GLP1R: variants seen among roughly 807,000 people sequenced by gnomAD.
GLP1R encodes glucagon-like peptide 1 receptor.
In GLP1R, 32 loss-of-function variants were observed where a neutral mutation model predicts 68.4. The observed-to-expected ratio is 0.47, with a 90% confidence interval of 0.35 to 0.63. The LOEUF (loss-of-function observed/expected upper bound fraction) is 0.63, where lower values mean the gene tolerates loss of function less well. GLP1R is among the 20% of genes least tolerant of loss of function. The pLI is 0.00. For synonymous variants in GLP1R, 263 were observed against 244.4 expected, an observed-to-expected ratio of 1.08 and a Z score of -0.71; for missense variants, 502 against 594.9, an observed-to-expected ratio of 0.84 and a Z score of 1.62.
intron 12 of GLP1R, among the ~76,000 whole-genome samples, chr6:39,085,497 C>T (rs1036790791): frequency 2.0e-5 from 3 of 152,204 alleles, no homozygotes; most frequent in African/African-American, 7.2e-5. Context: ...GGGTTGCCGT[C>T]CCCCTTCTCA....
chr6:39,065,642 GGA>G, intron 3 of GLP1R, 67 bp from the exon 4 acceptor site: 1 of 897,212 alleles, frequency 1.1e-6, no homozygotes, highest in Non-Finnish European at 1.8e-6. Flanking sequence ...GGGAGGAAGG[GGA>G]GCATCTAGCA....
At position 39,072,799 on chromosome 6, in the gene GLP1R, C is replaced by A. The variant is rs1376591236; in HGVS notation, c.510-63C>A. ...CTAATGTGTGTGTTAGCTTGAGAGCCTGGGGTTGTAGAGCAGAACTGTTGG... is the reference window on the plus strand; with the variant it reads ...CTAATGTGTGTGTTAGCTTGAGAGCATGGGGTTGTAGAGCAGAACTGTTGG... On this transcript the variant is annotated intron_variant, in intron 5 of 12. Transcript: ENST00000373256. 2.7e-6 allele frequency: 4 copies of A among 1,458,818 alleles called. No homozygotes were observed. In the East Asian group the frequency reaches 9.1e-5, roughly 33 times the overall value. The allele number at this position is 1,458,818 out of a possible 1,614,324, so 90.4% of individuals were successfully genotyped here.
rs376396749 is a variant in GLP1R, at chr6:39,061,726, C to T, written c.284-3985C>T. 3.3e-5 allele frequency among the ~76,000 whole-genome samples: 5 copies of T among 152,246 alleles called. No individual in the cohort carries two copies. The South Asian group carries it at 6.2e-4, about 19-fold the overall frequency. On this transcript the variant is annotated intron_variant, in intron 3 of 12. Coordinates refer to ENST00000373256, the MANE Select transcript of GLP1R (RefSeq NM_002062.5). ...TCACATGCTTTATCTTCTGGGAAGT[C>T]ATTATGCTTCCCATTTTACAGATAA...
chr6:39,067,787 A>G (rs1168332437), intron 5 of GLP1R, among the ~76,000 whole-genome samples: 1 of 152,228 alleles, frequency 6.6e-6, no homozygotes, highest in African/African-American at 2.4e-5. Context: ...TCATCTAAAT[A>G]TTATTTAAAT....
At chr6:39,071,874 GTCTT>G (rs1768677564) in intron 5 of GLP1R, among the ~76,000 whole-genome samples, 1 of 152,110 alleles carries the variant, frequency 6.6e-6, no homozygotes, top group South Asian at 2.1e-4. Flanking sequence ...AAGGTAGCGA[GTCTT>G]TCTATCTGTG....
chr6:39,076,032 C>T (rs1370625300), intron 7 of GLP1R, among the ~76,000 whole-genome samples: 3 of 152,154 alleles, frequency 2.0e-5, no homozygotes, highest in Admixed American at 6.5e-5. Context: ...GCAGGGCTTT[C>T]GTGACTGTGT....
rs1768943972 is a variant in GLP1R, at chr6:39,079,791, G to A, written c.1182+89G>A. On this transcript the variant is annotated intron_variant, in intron 11 of 12. Transcript: ENST00000373256. This position sits in a 1 kb window ranked among gnomAD's most constrained non-coding sequence, Gnocchi z 4.5. ...CCTGCATCATGCAGATGGAAAAGGT[G>A]GGAAGACTGGGACCTGGAGGGGTGA... 1 of 1,203,230 alleles carries A rather than the reference G, an allele frequency of 8.3e-7. No individual in the cohort carries two copies. The highest frequency in any genetic ancestry group is 1.2e-6 in the Non-Finnish European group (1 of 833,678). 74.5% of individuals were successfully genotyped at this position (1,203,230 alleles called of 1,614,324 possible).
chr6:39,078,865 G>T (rs1254731148), intron 8 of GLP1R, 92 bp from the exon 9 acceptor site: 30 of 1,055,092 alleles, frequency 2.8e-5, no homozygotes, highest in Non-Finnish European at 4.3e-5. Flanking sequence ...ACTCAACATG[G>T]CCATGTGCAT....
intron 5 of GLP1R, among the ~76,000 whole-genome samples, chr6:39,068,302 A>C (rs1247099309): frequency 2.0e-5 from 3 of 151,962 alleles, no homozygotes; most frequent in Non-Finnish European, 4.4e-5. Context: ...CCGAAGCCCC[A>C]CTCGCACAGC....
chr6:39,055,238 G>A (rs1475098405), intron 1 of GLP1R, among the ~76,000 whole-genome samples: 1 of 152,196 alleles, frequency 6.6e-6, no homozygotes, highest in African/African-American at 2.4e-5. Context: ...CTAAAAAGAA[G>A]CTATTTTAAT....
At chr6:39,063,798 T>G (rs1417593718) in intron 3 of GLP1R, among the ~76,000 whole-genome samples, 1 of 151,886 alleles carries the variant, frequency 6.6e-6, no homozygotes, top group Admixed American at 6.6e-5. Flanking sequence ...CCTGCCACAT[T>G]TTTTGCTAGG....
At chr6:39,052,685 C>G (rs1269855755) in intron 1 of GLP1R, among the ~76,000 whole-genome samples, 1 of 152,204 alleles carries the variant, frequency 6.6e-6, no homozygotes, top group Non-Finnish European at 1.5e-5. Flanking sequence ...TGCTGTCCTT[C>G]CTTCCAACGC....
chr6:39,055,731 G>A (rs937344349), intron 1 of GLP1R, among the ~76,000 whole-genome samples: 3 of 152,152 alleles, frequency 2.0e-5, no homozygotes, highest in African/African-American at 4.8e-5. Context: ...AGGGGGTGGG[G>A]GGTGCTGTGT....
At chr6:39,071,345 C>CAAAA (rs35740935) in intron 5 of GLP1R, among the ~76,000 whole-genome samples, 99 of 85,790 alleles carry the variant, frequency 1.2e-3, no homozygotes, top group Non-Finnish European at 1.5e-3. Flanking sequence ...GATTCCATCT[C>CAAAA]AAAAAAAAAA....
intron 12 of GLP1R, among the ~76,000 whole-genome samples, chr6:39,082,889 A>G (rs995601294): frequency 6.6e-6 from 1 of 151,222 alleles, no homozygotes; most frequent in African/African-American, 2.4e-5. Context: ...ATCCTCTGAC[A>G]CTGTCACTGC....
chr6:39,085,834 G>A, intron 12 of GLP1R, 72 bp from the exon 13 acceptor site: 1 of 1,393,298 alleles, frequency 7.2e-7, no homozygotes, highest in South Asian at 1.2e-5. Flanking sequence ...CCCCACTAAT[G>A]TAATAGTGGG....
Position 39,079,724 on chromosome 6 carries a change from C to A in GLP1R, c.1182+22C>A. ...CCAGGTGACTTCATGCTTGGGGACACTTGCTTGTAAAGTCCTAGAGTGGGG... is the reference window on the plus strand; with the variant it reads ...CCAGGTGACTTCATGCTTGGGGACAATTGCTTGTAAAGTCCTAGAGTGGGG... On this transcript the variant is annotated intron_variant, in intron 11 of 12. Coordinates refer to ENST00000373256, the MANE Select transcript of GLP1R (RefSeq NM_002062.5). This position sits in a 1 kb window ranked among gnomAD's most constrained non-coding sequence, Gnocchi z 4.5. 1.9e-6 allele frequency: 3 copies of A among 1,606,944 alleles called. No individual in the cohort carries two copies. The highest frequency in any genetic ancestry group is 1.3e-5 in the African/African-American group (1 of 74,850).
At position 39,050,349 on chromosome 6, in the gene GLP1R, C is replaced by T. The variant is rs1435947533; in HGVS notation, c.78+1431C>T. ...AGGCTCTGCTTCCTGGTTCCATCCT[C>T]CTCCAGGCCAGGTTTACAGGTCTGG... On this transcript the variant is annotated intron_variant, in intron 1 of 12. Coordinates refer to ENST00000373256, the MANE Select transcript of GLP1R (RefSeq NM_002062.5). 3.3e-5 allele frequency among the ~76,000 whole-genome samples: 5 copies of T among 152,178 alleles called. No individual in the cohort carries two copies. The East Asian group carries it at 7.7e-4, about 23-fold the overall frequency.
At chr6:39,078,487 G>A in intron 8 of GLP1R, 105 bp downstream of exon 8, 1 of 821,506 alleles carries the variant, frequency 1.2e-6, no homozygotes. Flanking sequence ...GGATAAAGGG[G>A]GGTACCAGGA....
Sources: gnomAD v4.1 joint callset for allele counts (sites outside exome capture counted in the v4.1 genomes callset) on GRCh38, gnomAD v4.1.1 for gene constraint, Gnocchi (gnomAD v3.1) non-coding constraint, MANE v1.5 for transcripts, NCBI Gene and HGNC (gene_info 2026-07-23, HGNC 2026-07-21) for gene names.